The following DNAH1 variants were observed in gnomAD, a reference collection of about 807,000 sequenced individuals.
DNAH1 encodes dynein axonemal heavy chain 1.
DNAH1 carries 327 observed loss-of-function variants against 484.3 expected under a neutral mutation model. The observed-to-expected ratio is 0.68, with a 90% CI of 0.62 to 0.74. DNAH1 has a LOEUF of 0.74. Ranked by LOEUF, DNAH1 falls within the 30% of genes least tolerant of loss-of-function variation. The probability of loss-of-function intolerance (pLI) is 0.00; values close to 1 mark genes in which losing one functional copy is unlikely to be tolerated. For missense variants in DNAH1, 5,052 were observed against 5,546.8 expected, an observed-to-expected ratio of 0.91 and a Z score of 2.83; for synonymous variants, 2,192 against 2,191.9, an observed-to-expected ratio of 1.00 and a Z score of 0.00.
rs1258481133 is a variant in DNAH1 at position 52,332,145 on chromosome 3, G to C, written c.1037G>C (p.Arg346Thr). 2 of 1,554,580 alleles carry C rather than the reference G, an allele frequency of 1.3e-6. No individual in the cohort carries two copies. Among genetic ancestry groups the C allele is most frequent in the Middle Eastern group, 1.7e-4 (1 of 5,988 alleles). The part of the protein sequence containing the change: ...ILNAGVTTEG[R>T]PPLQVCQYWV... ...CTCCCTCTCACCCGGCCCCCAGGAA[G>C]GCCACCCCTTCAGGTCTGTCAGTAC... The change falls in exon 8 of 78, where the codon AGG becomes ACG. Residue 346 changes from arginine (R) to threonine (T), a missense_variant. Arg to Thr is a moderately conservative substitution (Grantham distance 71, BLOSUM62 -1). Around this residue, in one of 4 missense-constraint regions of DNAH1, gnomAD observed 1,263 missense variants for 1,218.8 expected, o/e 1.04. Coordinates refer to ENST00000420323, the MANE Select transcript of DNAH1 (RefSeq NM_015512.5).
intron 44 of DNAH1, among the ~76,000 whole-genome samples, chr3:52,373,376 G>A (rs369430717): frequency 1.3e-5 from 2 of 152,242 alleles, no homozygotes; most frequent in South Asian, 2.1e-4. Context: ...CGGCAAGGGC[G>A]GTGGCGGCCC....
intron 26 of DNAH1, 118 bp downstream of exon 26, chr3:52,359,504 T>C: frequency 1.4e-6 from 2 of 1,392,054 alleles, no homozygotes; most frequent in Non-Finnish European, 1.9e-6. Flanking sequence ...GGGTTGGGTC[T>C]AAAGGGGAGG....
Position 52,395,426 on chromosome 3 carries a change from T to A in DNAH1, c.11087T>A (p.Phe3696Tyr). 1 of 1,613,832 alleles carries A rather than the reference T, an allele frequency of 6.2e-7. No homozygotes were observed. Among genetic ancestry groups the A allele is most frequent in the Non-Finnish European group, 8.5e-7 (1 of 1,179,882 alleles). Residue 3696 changes from phenylalanine (F) to tyrosine (Y), a missense_variant, in exon 69 of 78, where the codon TTC becomes TAC. This residue lies in a region of DNAH1 where 853 missense variants were observed against 899.0 expected (regional missense o/e 0.95). Coordinates refer to ENST00000420323, the MANE Select transcript of DNAH1 (RefSeq NM_015512.5). The surrounding 1 kb of genome is among the most constrained non-coding windows in gnomAD (Gnocchi z 4.4). ...TACAAGTTTGCCGAAGAAATGAAGT[T>A]CTCCAAAAAGCTCTCTGCCATCTCC... is the stretch of plus-strand genomic sequence containing the variant. ...DLYKFAEEMK[F>Y]SKKLSAISLG...
chr3:52,399,397 G>C, intron 76 of DNAH1, 148 bp from the exon 77 acceptor site: 3 of 924,418 alleles, frequency 3.2e-6, no homozygotes, highest in Non-Finnish European at 4.9e-6. Context: ...GCAGGGCACA[G>C]ACCACAGGCC....
At position 52,381,392 on chromosome 3, in the gene DNAH1, C is replaced by T. The variant is rs1578179518; in HGVS notation, c.7609-248C>T. On this transcript the variant is annotated intron_variant, in intron 48 of 77. Coordinates refer to ENST00000420323, the MANE Select transcript of DNAH1 (RefSeq NM_015512.5). The surrounding 1 kb of genome is among the most constrained non-coding windows in gnomAD (Gnocchi z 4.1). ...CTTCCCACAGTGCTGGGATTACAGG[C>T]GTGAGCCACCGCGCTAGGCCAATCC... is the stretch of plus-strand genomic sequence containing the variant. 6.6e-6 allele frequency among the ~76,000 whole-genome samples: 1 copy of T among 152,288 alleles called. No homozygotes were observed. Among genetic ancestry groups the T allele is most frequent in the East Asian group, 1.9e-4 (1 of 5,180 alleles).
At position 52,344,617 on chromosome 3, in the gene DNAH1, A is replaced by T; in HGVS notation, c.1414A>T (p.Lys472Ter). Residue 472 changes from lysine (K) to a stop codon, truncating the protein, a stop_gained, in exon 9 of 78, where the codon AAG becomes TAG. Transcript: ENST00000420323. LOFTEE classifies it high-confidence loss of function. ...GACCTTCTCCTACGTCACCCTCCCC[A>T]AGAAGGAGGAGGAGCAGGTGCCTGA... is the stretch of plus-strand genomic sequence containing the variant. ...PETFSYVTLPKKEEEQVPERG... is the reference protein window; with the variant it reads ...PETFSYVTLP The T allele has an allele frequency of 1.2e-6, 2 of 1,613,794 alleles. No individual in the cohort carries two copies. The highest frequency in any genetic ancestry group is 1.7e-6 in the Non-Finnish European group (2 of 1,179,832).
In DNAH1 at chr3:52,398,143, C is replaced by T. The variant is rs765479643; in HGVS notation, c.12070C>T (p.Leu4024=). ...VLYEESMNTV[L]VQEVIRYNRL... ...GTATGAGGAATCAATGAACACAGTA[C>T]TAGTACAAGAGGTCATTAGGTAATC... Residue 4024 remains leucine (L), a synonymous_variant, in exon 75 of 78, where the codon CTA becomes TTA. Transcript: ENST00000420323. The T allele has an allele frequency of 1.9e-6, 3 of 1,611,452 alleles. No homozygotes were observed. The highest frequency in any genetic ancestry group is 2.5e-6 in the Non-Finnish European group (3 of 1,178,856).
chr3:52,396,363 A>G lies in DNAH1; in HGVS notation c.11260-5A>G, dbSNP rs774791614. ...TCAATGCTCACGTGGAGCCATGGCC[A>G]CCAGGTACACAGGGACTTCCGCCTC... On this transcript the variant is annotated splice_polypyrimidine_tract_variant and splice_region_variant and intron_variant, in intron 70 of 77. Coordinates refer to ENST00000420323, the MANE Select transcript of DNAH1 (RefSeq NM_015512.5). 30 of 1,569,044 alleles carry G rather than the reference A, an allele frequency of 1.9e-5. No homozygotes were observed. Among genetic ancestry groups the G allele is most frequent in the Non-Finnish European group, 6.0e-6 (7 of 1,157,920 alleles).
chr3:52,325,798 A>G (rs1218991865), intron 3 of DNAH1, among the ~76,000 whole-genome samples: 1 of 152,230 alleles, frequency 6.6e-6, no homozygotes, highest in African/African-American at 2.4e-5. Flanking sequence ...TCATCTTCCT[A>G]TCCAGTGGTA....
At chr3:52,323,022 GGCCCT>G (rs1701206654) in intron 2 of DNAH1, among the ~76,000 whole-genome samples, 1 of 152,292 alleles carries the variant, frequency 6.6e-6, no homozygotes, top group South Asian at 2.1e-4. Flanking sequence ...CTGTGTGCCA[GGCCCT>G]GGATGGAGCC....
Position 52,399,525 on chromosome 3 carries a change from G to A in DNAH1, c.12442-20G>A. Reference sequence around the variant, plus strand: ...CTGGGTATTGTTATGTGTGTGGGGTGTGTCTGTGTCTACCCACAGGTGATG... The same window carrying A: ...CTGGGTATTGTTATGTGTGTGGGGTATGTCTGTGTCTACCCACAGGTGATG... On this transcript the variant is annotated intron_variant, in intron 76 of 77. Transcript: ENST00000420323. 4 of 1,583,526 alleles carry A rather than the reference G, an allele frequency of 2.5e-6. No homozygotes were observed. The highest frequency in any genetic ancestry group is 3.5e-6 in the Non-Finnish European group (4 of 1,159,078).
rs747184196 is a variant in DNAH1, at chr3:52,399,145, C to T, written c.12385C>T (p.Gln4129Ter). The change falls in exon 76 of 78, where the codon CAG becomes TAG. Residue 4129 changes from glutamine to a stop codon, truncating the protein, a stop_gained. Coordinates refer to ENST00000420323, the MANE Select transcript of DNAH1 (RefSeq NM_015512.5). LOFTEE classifies it high-confidence loss of function. ...CCAGGCTTTCTTAACAGGCACTCTG[C>T]AGAATTTTGCCCGCAAATTTGTCAT... ...FPQAFLTGTL[Q>*]NFARKFVISI... 1.9e-6 allele frequency: 3 copies of T among 1,613,736 alleles called. No individual in the cohort carries two copies. The African/African-American group carries it at 4.0e-5, about 22-fold the overall frequency.
Position 52,362,648 on chromosome 3 carries a change from T to A in DNAH1, c.5094+147T>A. 1 of 775,242 alleles carries A rather than the reference T, an allele frequency of 1.3e-6. No homozygotes were observed. The highest frequency in any genetic ancestry group is 2.1e-6 in the Non-Finnish European group (1 of 482,124). 48.0% of individuals were successfully genotyped at this position (775,242 alleles called of 1,614,324 possible). ...GCCCCTTAGCCATGGAGGGGAGGCC[T>A]CAGGGCCTCAGACTTGTCCTCAGGG... On this transcript the variant is annotated intron_variant, in intron 31 of 77. Transcript: ENST00000420323. This position sits in a 1 kb window ranked among gnomAD's most constrained non-coding sequence, Gnocchi z 5.1.
At chr3:52,380,575 C>T (rs1703800708) in intron 48 of DNAH1, among the ~76,000 whole-genome samples, 1 of 152,220 alleles carries the variant, frequency 6.6e-6, no homozygotes, top group African/African-American at 2.4e-5. Context: ...AGGGTCAGCA[C>T]ACCCTGGTAA....
intron 56 of DNAH1, 62 bp from the exon 57 acceptor site, chr3:52,388,105 C>T (rs1578192019): frequency 1.3e-6 from 2 of 1,558,092 alleles, no homozygotes; most frequent in East Asian, 2.4e-5. Flanking sequence ...CACATCCCAG[C>T]AGAGCCCTTC....
chr3:52,356,877 G>C (rs1702632288), intron 22 of DNAH1, 99 bp downstream of exon 22: 2 of 1,408,724 alleles, frequency 1.4e-6, no homozygotes, highest in Admixed American at 2.1e-5. Flanking sequence ...CACAGAAAAG[G>C]CTGGTGGACA....
At chr3:52,399,339 T>TGAG in intron 76 of DNAH1, 138 bp downstream of exon 76, 1 of 1,052,760 alleles carries the variant, frequency 9.5e-7, no homozygotes, top group Non-Finnish European at 1.4e-6. Context: ...GAAGAGGCCA[T>TGAG]GAGTCCCAGG....
At chr3:52,373,216 G>C (rs930929245) in intron 44 of DNAH1, among the ~76,000 whole-genome samples, 163 bp downstream of exon 44, 11 of 152,064 alleles carry the variant, frequency 7.2e-5, no homozygotes, top group African/African-American at 2.7e-4. Flanking sequence ...GGGGAGGGGC[G>C]GAGAGACGCC....
At chr3:52,386,398 G>C (rs11720365) in intron 55 of DNAH1, 53 bp downstream of exon 55, 6 of 1,500,992 alleles carry the variant, frequency 4.0e-6, no homozygotes, top group Admixed American at 4.2e-5. Flanking sequence ...CTGTCCTCAA[G>C]CCTTCCCTCT....
Sources: gnomAD v4.1 joint callset for allele counts (sites outside exome capture counted in the v4.1 genomes callset) on GRCh38, gnomAD v4.1.1 for gene constraint, gnomAD v4.1.1 regional missense constraint, Gnocchi (gnomAD v3.1) non-coding constraint, MANE v1.5 for transcripts, NCBI Gene and HGNC (gene_info 2026-07-23, HGNC 2026-07-21) for gene names.